The following SYNE2 variants were observed in gnomAD, a reference collection of about 807,000 sequenced individuals.
SYNE2 encodes the protein spectrin repeat containing nuclear envelope protein 2.
Under a neutral mutation model 856.3 loss-of-function variants are expected in SYNE2, and 431 were observed. That is an observed-to-expected ratio of 0.50 (90% CI 0.47 to 0.55). SYNE2 has a LOEUF of 0.55. SYNE2 is among the 20% of genes least tolerant of loss of function. SYNE2 has a pLI of 0.00. For synonymous variants in SYNE2, 2,923 were observed against 2,872.3 expected (o/e 1.02, Z -0.56); for missense variants, 8,129 against 8,023.2 (o/e 1.01, Z -0.50).
chr14:64,182,597 G>C (rs894981369), intron 96 of SYNE2, among the ~76,000 whole-genome samples: 2 of 152,044 alleles, frequency 1.3e-5, no homozygotes, highest in African/African-American at 4.8e-5. Flanking sequence ...GACTCTTAAC[G>C]AGCATGCTGC....
intron 1 of SYNE2, among the ~76,000 whole-genome samples, chr14:63,767,966 G>T (rs902383102): frequency 6.6e-6 from 1 of 152,040 alleles, no homozygotes; most frequent in African/African-American, 2.4e-5. Flanking sequence ...AGTCAAGGTG[G>T]GCAGATTGCT....
intron 18 of SYNE2, among the ~76,000 whole-genome samples, chr14:63,985,173 T>C (rs1158949034): frequency 1.3e-5 from 2 of 151,730 alleles, no homozygotes; most frequent in Non-Finnish European, 2.9e-5. Context: ...TTACTAAAAA[T>C]ACAAAAATTA....
In SYNE2 at chr14:64,225,367, C is replaced by T. The variant is rs767859208; in HGVS notation, c.20565C>T (p.Val6855=). 2 of 1,614,030 alleles carry T rather than the reference C, an allele frequency of 1.2e-6. No individual in the cohort carries two copies. The highest frequency in any genetic ancestry group is 1.7e-6 in the Non-Finnish European group (2 of 1,180,030). Residue 6855 remains valine, a synonymous_variant, in exon 116 of 116, where the codon GTC becomes GTT. Coordinates refer to ENST00000555002, the MANE Select transcript of SYNE2 (RefSeq NM_182914.3). The part of the protein sequence containing the change: ...RPQRSFLSRV[V]RAALPLQLLL... The stretch of plus-strand genomic sequence containing the variant: ...AGCGCTCCTTCCTCTCAAGGGTGGT[C>T]CGGGCAGCCCTACCCCTGCAGCTGC...
intron 1 of SYNE2, among the ~76,000 whole-genome samples, chr14:63,795,447 A>G (rs1241344391): frequency 3.9e-5 from 6 of 152,014 alleles, no homozygotes; most frequent in African/African-American, 1.4e-4. Context: ...CAGATGGCCT[A>G]TTGTGGGACC....
At chr14:64,065,316 A>G in intron 50 of SYNE2, 116 bp from the exon 51 acceptor site, 1 of 885,676 alleles carries the variant, frequency 1.1e-6, no homozygotes, top group Non-Finnish European at 1.8e-6. Flanking sequence ...GAGGTGGATC[A>G]TGCAATACTT....
chr14:64,145,986 TG>T (rs2098182960), intron 83 of SYNE2, 81 bp from the exon 84 acceptor site: 1 of 1,000,832 alleles, frequency 1.0e-6, no homozygotes, highest in Non-Finnish European at 1.4e-6. Flanking sequence ...GAAGCAAAAT[TG>T]TTTTTTAAAA....
At chr14:64,160,148 G>A (rs1174841490) in intron 87 of SYNE2, among the ~76,000 whole-genome samples, 2 of 152,202 alleles carry the variant, frequency 1.3e-5, no homozygotes, top group Admixed American at 1.3e-4. Flanking sequence ...GGTGCCCTTA[G>A]CTCTTGATCC....
chr14:63,945,126 T>TAA (rs1491146048), intron 6 of SYNE2, among the ~76,000 whole-genome samples: 11 of 125,824 alleles, frequency 8.7e-5, no homozygotes, highest in African/African-American at 2.5e-4. Flanking sequence ...TTTTTTTTTT[T>TAA]AATTAAAAAA....
intron 2 of SYNE2, among the ~76,000 whole-genome samples, chr14:63,930,772 G>A (rs1360165734): frequency 6.6e-6 from 1 of 152,096 alleles, no homozygotes; most frequent in Non-Finnish European, 1.5e-5. Flanking sequence ...CTGACCTCAG[G>A]TGATCTGCCC....
chr14:63,772,105 C>A (rs1309493308), intron 1 of SYNE2, among the ~76,000 whole-genome samples: 3 of 152,176 alleles, frequency 2.0e-5, no homozygotes, highest in Non-Finnish European at 4.4e-5. Context: ...GTAATCCCAG[C>A]ACTTTGGGAG....
intron 99 of SYNE2, among the ~76,000 whole-genome samples, chr14:64,201,221 T>C (rs1353360488): frequency 6.6e-6 from 1 of 152,212 alleles, no homozygotes; most frequent in African/African-American, 2.4e-5. Flanking sequence ...CACCCGATGC[T>C]ACCACTTCCC....
At chr14:63,960,889 AAAAT>A (rs990300176) in intron 8 of SYNE2, 81 of 595,610 alleles carry the variant, frequency 1.4e-4, no homozygotes, top group African/African-American at 1.3e-3. Context: ...AAAAAAATAA[AAAAT>A]AAGATAAATA....
At chr14:64,190,696 A>G in intron 99 of SYNE2, 3 of 686,350 alleles carry the variant, frequency 4.4e-6, no homozygotes, top group South Asian at 1.6e-5. Flanking sequence ...GCAGGAGTCT[A>G]CTCTTAAAGT....
chr14:64,110,157 G>A lies in SYNE2; in HGVS notation c.12609+2550G>A, dbSNP rs191596553. 2.9e-3 allele frequency among the ~76,000 whole-genome samples: 437 copies of A among 152,122 alleles called. 1 individual carries two copies. The highest frequency in any genetic ancestry group is 9.1e-3 in the South Asian group (44 of 4,828). On this transcript the variant is annotated intron_variant, in intron 65 of 115. Transcript: ENST00000555002. ...CAGGTATAAGCAGTGGGGGAGATAT[G>A]CAGGTATTTGTAGAATTGACTGAAA...
chr14:64,117,766 C>T (rs926084732), intron 66 of SYNE2, among the ~76,000 whole-genome samples: 3 of 152,020 alleles, frequency 2.0e-5, no homozygotes, highest in Non-Finnish European at 2.9e-5. Flanking sequence ...GGTTTTGGAG[C>T]ATTTTGGGAT....
At chr14:63,858,931 A>G (rs115879837) in intron 1 of SYNE2, among the ~76,000 whole-genome samples, 3,159 of 152,266 alleles carry the variant, frequency 0.021, 124 homozygotes, top group African/African-American at 0.072. Flanking sequence ...GCTTTCTCCT[A>G]TGATTTTTTT....
At chr14:63,904,445 T>C (rs1249167829) in intron 1 of SYNE2, among the ~76,000 whole-genome samples, 1 of 152,156 alleles carries the variant, frequency 6.6e-6, no homozygotes, top group East Asian at 1.9e-4. Context: ...ACTGACAGTT[T>C]ATAAGCGCTC....
chr14:63,935,187 A>G (rs750083630), intron 2 of SYNE2, among the ~76,000 whole-genome samples: 3 of 152,226 alleles, frequency 2.0e-5, no homozygotes, highest in African/African-American at 4.8e-5. Context: ...AGAAATTTAT[A>G]TAAGACAGGA....
chr14:64,193,766 T>C (rs1000526094), intron 99 of SYNE2, among the ~76,000 whole-genome samples: 1 of 152,222 alleles, frequency 6.6e-6, no homozygotes, highest in Non-Finnish European at 1.5e-5. Context: ...TAGCCTCCAT[T>C]GTTGGATAGA....
Sources: gnomAD v4.1 joint callset for allele counts (sites outside exome capture counted in the v4.1 genomes callset) on GRCh38, gnomAD v4.1.1 for gene constraint, MANE v1.5 for transcripts, NCBI Gene and HGNC (gene_info 2026-07-23, HGNC 2026-07-21) for gene names.